Variants in KATNAL2 observed in about 807,000 individuals in gnomAD.
KATNAL2 encodes katanin p60 ATPase-containing subunit A-like 2.
In KATNAL2, 52 loss-of-function variants were observed where a neutral mutation model predicts 76.3. That is an observed-to-expected ratio of 0.68 (90% CI 0.55 to 0.86). The LOEUF (loss-of-function observed/expected upper bound fraction) is 0.86, where lower values mean the gene tolerates loss of function less well. Ranked by LOEUF, KATNAL2 falls within the 40% of genes least tolerant of loss-of-function variation. The probability of loss-of-function intolerance (pLI) is 0.00; values close to 1 mark genes in which losing one functional copy is unlikely to be tolerated. For synonymous variants in KATNAL2, 243 were observed against 244.2 expected, an observed-to-expected ratio of 1.00 and a Z score of 0.05; for missense variants, 660 against 668.9, an observed-to-expected ratio of 0.99 and a Z score of 0.15.
chr18:47,096,043 CAAAAAAGA>C (rs2063219144), intron 15 of KATNAL2, among the ~76,000 whole-genome samples: 1 of 151,932 alleles, frequency 6.6e-6, no homozygotes, highest in East Asian at 1.9e-4. Context: ...AAAGCAAATG[CAAAAAAGA>C]AATAGGTCAT....
intron 11 of KATNAL2, among the ~76,000 whole-genome samples, chr18:47,068,361 T>G (rs62095428): frequency 3.3e-5 from 5 of 152,216 alleles, no homozygotes; most frequent in Non-Finnish European, 5.9e-5. Flanking sequence ...ACATTTGGAT[T>G]CTCTTTTCCC....
chr18:46,921,693 C>CAA (rs34156817), intron 1 of KATNAL2, among the ~76,000 whole-genome samples: 4 of 137,936 alleles, frequency 2.9e-5, no homozygotes, highest in African/African-American at 1.1e-4. Flanking sequence ...AAACACATAA[C>CAA]AAAAAAAAAA....
chr18:47,072,020 G>A (rs1599758696), intron 13 of KATNAL2, among the ~76,000 whole-genome samples: 3 of 123,612 alleles, frequency 2.4e-5, no homozygotes, highest in East Asian at 5.0e-4. Context: ...ACCCAGGCTG[G>A]AGTGCAGTGG....
At chr18:47,032,855 C>G in intron 3 of KATNAL2, 1 of 1,490,650 alleles carries the variant, frequency 6.7e-7, no homozygotes, top group Non-Finnish European at 9.1e-7. Context: ...ATCACAGGGC[C>G]AGCACATGAC....
At chr18:47,097,569 A>G (rs914003562) in intron 15 of KATNAL2, among the ~76,000 whole-genome samples, 1 of 152,202 alleles carries the variant, frequency 6.6e-6, no homozygotes, top group Non-Finnish European at 1.5e-5. Context: ...AATGTGGGAC[A>G]TTCTCCAGCT....
Position 46,946,933 on chromosome 18 carries a change from G to A in KATNAL2, c.51+10G>A. The A allele has an allele frequency of 6.7e-7, 1 of 1,503,546 alleles. No homozygotes were observed. Among genetic ancestry groups the A allele is most frequent in the Non-Finnish European group, 9.0e-7 (1 of 1,117,150 alleles). The allele number at this position is 1,503,546 out of a possible 1,614,324, so 93.1% of individuals were successfully genotyped here. Reference sequence around the variant, plus strand: ...TCAGGCGCGGGAAGCGGTAAGGAACGCATATATAAAACATGATTATACCAA... The same window carrying A: ...TCAGGCGCGGGAAGCGGTAAGGAACACATATATAAAACATGATTATACCAA... On this transcript the variant is annotated intron_variant, in intron 3 of 17. Coordinates refer to ENST00000683218, the MANE Select transcript of KATNAL2 (RefSeq NM_001387690.1).
At chr18:47,050,503 T>G (rs1377103465) in intron 4 of KATNAL2, among the ~76,000 whole-genome samples, 1 of 152,158 alleles carries the variant, frequency 6.6e-6, no homozygotes, top group Admixed American at 6.5e-5. Context: ...AAGATAAAAA[T>G]AAAAGTCAGA....
intron 3 of KATNAL2, among the ~76,000 whole-genome samples, chr18:46,948,156 G>A (rs2059436199): frequency 6.6e-6 from 1 of 152,146 alleles, no homozygotes; most frequent in African/African-American, 2.4e-5. Flanking sequence ...TGTCGCCCAG[G>A]CTGGAGTGCA....
At chr18:47,054,333 A>C in intron 5 of KATNAL2, 63 bp from the exon 6 acceptor site, 5 of 1,460,508 alleles carry the variant, frequency 3.4e-6, no homozygotes, top group Non-Finnish European at 4.8e-6. Flanking sequence ...ACATACCTGA[A>C]AAAAATCACT....
chr18:46,938,501 C>T (rs1377055692), intron 1 of KATNAL2, among the ~76,000 whole-genome samples: 1 of 152,162 alleles, frequency 6.6e-6, no homozygotes, highest in Non-Finnish European at 1.5e-5. Flanking sequence ...TTATTCTCTA[C>T]ACTTGTATGC....
intron 4 of KATNAL2, among the ~76,000 whole-genome samples, chr18:47,051,396 A>C (rs2061337347): frequency 1.3e-5 from 2 of 151,860 alleles, no homozygotes; most frequent in South Asian, 4.2e-4. Context: ...GTGCCACTCC[A>C]GCTTAGGTGA....
At chr18:47,067,855 AT>A (rs1266151711) in intron 11 of KATNAL2, among the ~76,000 whole-genome samples, 1 of 152,148 alleles carries the variant, frequency 6.6e-6, no homozygotes, top group Non-Finnish European at 1.5e-5. Context: ...TCCACGTGGT[AT>A]TCTTGGCTGA....
At chr18:46,959,565 G>GT (rs1422866905) in intron 3 of KATNAL2, among the ~76,000 whole-genome samples, 1 of 152,060 alleles carries the variant, frequency 6.6e-6, no homozygotes, top group African/African-American at 2.4e-5. Flanking sequence ...TGTTTGTTAG[G>GT]TTTTACTTTT....
At chr18:47,046,663 TAC>T (rs2061167198) in intron 4 of KATNAL2, 136 bp downstream of exon 4, 1 of 682,242 alleles carries the variant, frequency 1.5e-6, no homozygotes. Context: ...GAGCAGAAAG[TAC>T]AGAGTTCTGT....
At chr18:47,086,578 CTG>C (rs1285387989) in intron 15 of KATNAL2, among the ~76,000 whole-genome samples, 5 of 152,196 alleles carry the variant, frequency 3.3e-5, no homozygotes, top group African/African-American at 1.2e-4. Flanking sequence ...GCCTCCCAAA[CTG>C]TTGGGATTAC....
At position 47,078,730 on chromosome 18, in the gene KATNAL2, A is replaced by G. The variant is rs74417540; in HGVS notation, c.1211+1269A>G. 7.7e-4 allele frequency among the ~76,000 whole-genome samples: 118 copies of G among 152,294 alleles called. 2 individuals are homozygous for G. In the East Asian group the frequency reaches 0.021, roughly 27 times the overall value. On this transcript the variant is annotated intron_variant, in intron 15 of 17. Transcript: ENST00000683218. ...AATAGAGGACCTTCTACCCCCAGTG[A>G]ATACCTAAGAATTTGTTGAGAAACT...
intron 3 of KATNAL2, chr18:47,033,875 C>A (rs758518276): frequency 4.3e-6 from 7 of 1,613,920 alleles, no homozygotes; most frequent in Non-Finnish European, 5.9e-6. Context: ...TCTGAGAGGT[C>A]CCAGAGCTCT....
chr18:47,055,499 C>T (rs1030689222), intron 6 of KATNAL2, among the ~76,000 whole-genome samples: 1 of 152,198 alleles, frequency 6.6e-6, no homozygotes, highest in Non-Finnish European at 1.5e-5. Flanking sequence ...GGCTGGTGGG[C>T]ACAGCTTGCA....
intron 15 of KATNAL2, chr18:47,098,679 G>T (rs1028876733): frequency 6.5e-6 from 1 of 154,836 alleles, no homozygotes; most frequent in African/African-American, 2.4e-5. Context: ...TGTCTGAAAG[G>T]GCGGTTATTT....
Sources: gnomAD v4.1 joint callset for allele counts (sites outside exome capture counted in the v4.1 genomes callset) on GRCh38, gnomAD v4.1.1 for gene constraint, MANE v1.5 for transcripts, NCBI Gene and HGNC (gene_info 2026-07-23, HGNC 2026-07-21) for gene names.